UGT1A9: variants seen among roughly 807,000 people sequenced by gnomAD.
UGT1A9 encodes the protein UDP-glucuronosyltransferase 1A9.
In UGT1A9, 35 loss-of-function variants were observed where a neutral mutation model predicts 45.0. The observed-to-expected ratio is 0.78, with a 90% CI of 0.59 to 1.03. The LOEUF (loss-of-function observed/expected upper bound fraction) is 1.03. UGT1A9 is among the 50% of genes least tolerant of loss of function. The pLI is 0.00. For synonymous variants in UGT1A9, 278 were observed against 250.6 expected (o/e 1.11, Z -1.03); for missense variants, 687 against 666.6 (o/e 1.03, Z -0.34).
intron 1 of UGT1A9, among the ~76,000 whole-genome samples, chr2:233,680,206 C>T (rs777098137): frequency 6.6e-6 from 1 of 152,090 alleles, no homozygotes; most frequent in Non-Finnish European, 1.5e-5. Context: ...ATTAGTTGCA[C>T]TTTATAGTCC....
chr2:233,735,645 G>C (rs1395226137), intron 1 of UGT1A9, among the ~76,000 whole-genome samples: 1 of 152,164 alleles, frequency 6.6e-6, no homozygotes, highest in Admixed American at 6.5e-5. Flanking sequence ...GCAGTGGCTG[G>C]TACTGGTGTT....
At chr2:233,722,627 C>T (rs571426683) in intron 1 of UGT1A9, among the ~76,000 whole-genome samples, 9 of 152,238 alleles carry the variant, frequency 5.9e-5, no homozygotes, top group African/African-American at 2.2e-4. Flanking sequence ...CTTAATGAAG[C>T]ATTGAGGGCT....
intron 1 of UGT1A9, among the ~76,000 whole-genome samples, chr2:233,732,351 ATGAAGTCC>A: frequency 6.6e-6 from 1 of 152,222 alleles, no homozygotes; most frequent in Non-Finnish European, 1.5e-5. Flanking sequence ...TGTTTTAGTC[ATGAAGTCC>A]TGGCCCATGC....
At chr2:233,690,675 G>T in intron 1 of UGT1A9, 2 of 1,262,130 alleles carry the variant, frequency 1.6e-6, no homozygotes, top group Non-Finnish European at 2.0e-6. Context: ...GGCAGGCCTG[G>T]GTCTCCAGCG....
intron 1 of UGT1A9, chr2:233,743,354 T>A: frequency 5.1e-6 from 5 of 972,108 alleles, no homozygotes. Flanking sequence ...GACATGGACT[T>A]GAAGCTGCCT....
intron 1 of UGT1A9, among the ~76,000 whole-genome samples, chr2:233,764,036 G>A (rs905956037): frequency 6.6e-6 from 1 of 152,136 alleles, no homozygotes; most frequent in South Asian, 2.1e-4. Flanking sequence ...TGCTAAAGAA[G>A]AATTCTGGGA....
chr2:233,729,564 T>C (rs537662273), intron 1 of UGT1A9: 126 of 1,614,046 alleles, frequency 7.8e-5, no homozygotes, highest in Non-Finnish European at 1.0e-4. Context: ...CTACTTCCTT[T>C]GATGTGGTTT....
In UGT1A9 at chr2:233,772,466, C is replaced by T. The variant is rs1700524185; in HGVS notation, c.1500C>T (p.Ala500=). 6.2e-7 allele frequency: 1 copy of T among 1,614,030 alleles called. No individual in the cohort carries two copies. The highest frequency in any genetic ancestry group is 1.3e-5 in the African/African-American group (1 of 74,904). The change falls in exon 5 of 5, where the codon GCC becomes GCT. Residue 500 remains alanine, a synonymous_variant. Transcript: ENST00000354728. ...GFLLAVVLTV[A]FITFKCCAYG... Reference sequence around the variant, plus strand: ...TCTTGGCCGTCGTGCTGACAGTGGCCTTCATCACCTTTAAATGTTGTGCTT... The same window carrying T: ...TCTTGGCCGTCGTGCTGACAGTGGCTTTCATCACCTTTAAATGTTGTGCTT...
At position 233,727,644 on chromosome 2, in the gene UGT1A9, C is replaced by A. The variant is rs139554548; in HGVS notation, c.856-39390C>A. Among the ~76,000 whole-genome samples the A allele has an allele frequency of 3.5e-3, 526 of 152,272 alleles. 4 individuals are homozygous for A. The highest frequency in any genetic ancestry group is 0.012 in the African/African-American group (505 of 41,558). Reference sequence around the variant, plus strand: ...AGAGGTTGCACCCACAGCTGAGAATCCCTTTCTAGTGCTCTATGTCCTTAC... The same window carrying A: ...AGAGGTTGCACCCACAGCTGAGAATACCTTTCTAGTGCTCTATGTCCTTAC... On this transcript the variant is annotated intron_variant, in intron 1 of 4. Transcript: ENST00000354728.
At chr2:233,740,578 C>T (rs1384729734) in intron 1 of UGT1A9, 2 of 151,846 alleles carry the variant, frequency 1.3e-5, no homozygotes, top group South Asian at 4.1e-4. Flanking sequence ...TTTTTTGGGA[C>T]CCTAATGAAA....
intron 1 of UGT1A9, among the ~76,000 whole-genome samples, chr2:233,738,515 G>A (rs2125816431): frequency 6.6e-6 from 1 of 152,322 alleles, no homozygotes; most frequent in African/African-American, 2.4e-5. Context: ...TGCTGATAAT[G>A]TTGTGGACAA....
At chr2:233,731,645 T>A (rs910994370) in intron 1 of UGT1A9, among the ~76,000 whole-genome samples, 2 of 152,242 alleles carry the variant, frequency 1.3e-5, no homozygotes, top group Non-Finnish European at 2.9e-5. Context: ...TAGTATTCCA[T>A]GGTGTATATG....
chr2:233,748,947 C>T (rs900612588), intron 1 of UGT1A9, among the ~76,000 whole-genome samples: 1 of 151,662 alleles, frequency 6.6e-6, no homozygotes. Context: ...CCCACCCTAT[C>T]CCACTCCAAG....
intron 1 of UGT1A9, among the ~76,000 whole-genome samples, chr2:233,703,893 C>G (rs7567229): frequency 6.6e-6 from 1 of 151,246 alleles, no homozygotes; most frequent in African/African-American, 2.4e-5. Flanking sequence ...TCATTTTTTT[C>G]TTTTCTTTTT....
intron 1 of UGT1A9, among the ~76,000 whole-genome samples, chr2:233,702,216 G>A (rs1362223857): frequency 2.0e-5 from 3 of 151,996 alleles, no homozygotes; most frequent in Non-Finnish European, 4.4e-5. Flanking sequence ...TCAACTTTCT[G>A]TCCTTATGAA....
chr2:233,676,320 C>G (rs574707496), intron 1 of UGT1A9, among the ~76,000 whole-genome samples: 1 of 152,252 alleles, frequency 6.6e-6, no homozygotes, highest in Admixed American at 6.5e-5. Context: ...TGTTGAGTGA[C>G]TTTTCTTACA....
chr2:233,726,396 T>C (rs1359821142), intron 1 of UGT1A9, among the ~76,000 whole-genome samples: 1 of 152,226 alleles, frequency 6.6e-6, no homozygotes, highest in Admixed American at 6.5e-5. Context: ...TCTCATAGTC[T>C]TTTGATGTCA....
intron 1 of UGT1A9, among the ~76,000 whole-genome samples, chr2:233,752,866 C>G (rs1227879768): frequency 6.6e-6 from 1 of 152,186 alleles, no homozygotes; most frequent in Non-Finnish European, 1.5e-5. Context: ...TTTGTGTTAG[C>G]TTTCAACTGT....
intron 1 of UGT1A9, among the ~76,000 whole-genome samples, chr2:233,757,306 A>AG (rs1394181032): frequency 1.3e-4 from 1 of 7,676 alleles, no homozygotes. Flanking sequence ...GTTGGGGGAC[A>AG]GGGGGGCTGG....
Sources: allele counts gnomAD v4.1 joint callset (sites outside exome capture counted in the v4.1 genomes callset), GRCh38; gene constraint gnomAD v4.1.1; transcripts MANE v1.5; gene names NCBI Gene and HGNC (gene_info 2026-07-23, HGNC 2026-07-21).